Variants in MIA2 observed in about 807,000 individuals in gnomAD.
MIA2 encodes the protein MIA SH3 domain ER export factor 2.
Under a neutral mutation model 167.8 loss-of-function variants are expected in MIA2, and 127 were observed. The observed-to-expected ratio is 0.76, with a 90% CI of 0.66 to 0.88. The LOEUF (loss-of-function observed/expected upper bound fraction) is 0.88, where lower values mean the gene tolerates loss of function less well. Ranked by LOEUF, MIA2 falls within the 40% of genes least tolerant of loss-of-function variation. The probability of loss-of-function intolerance (pLI) is 0.00; values close to 1 mark genes in which losing one functional copy is unlikely to be tolerated. For missense variants in MIA2, 1,690 were observed against 1,624.7 expected (o/e 1.04, Z -0.69); for synonymous variants, 552 against 541.9 (o/e 1.02, Z -0.26).
chr14:39,247,045 T>C lies in MIA2; in HGVS notation c.471T>C (p.Ser157=), dbSNP rs72673382. 2 of 1,603,592 alleles carry C rather than the reference T, an allele frequency of 1.2e-6. No homozygotes were observed. Among genetic ancestry groups the C allele is most frequent in the Non-Finnish European group, 1.7e-6 (2 of 1,177,338 alleles). The change falls in exon 4 of 29, where the codon AGT becomes AGC. Residue 157 remains serine, a synonymous_variant. Coordinates refer to ENST00000640607, the MANE Select transcript of MIA2 (RefSeq NM_001329214.4). ...ATGAAAAATCTAGTATATATGAAAG[T>C]GATTTTCAGATAGAACCTGGATTTT... ...DKDEKSSIYE[S]DFQIEPGFYA... is the part of the protein sequence containing the mutation.
intron 3 of MIA2, among the ~76,000 whole-genome samples, chr14:39,243,879 A>G (rs2054172969): frequency 6.6e-6 from 1 of 152,224 alleles, no homozygotes; most frequent in African/African-American, 2.4e-5. Flanking sequence ...AAACAAACAG[A>G]AAAAAGAATG....
chr14:39,302,031 TG>T, intron 14 of MIA2, 97 bp from the exon 15 acceptor site: 1 of 1,329,090 alleles, frequency 7.5e-7, no homozygotes, highest in Non-Finnish European at 1.0e-6. Context: ...GTTATTTATG[TG>T]GACTGATTTT....
intron 23 of MIA2, chr14:39,385,870 C>T: frequency 1.0e-6 from 1 of 962,912 alleles, no homozygotes; most frequent in Non-Finnish European, 1.7e-6. Flanking sequence ...CATGCCCCGT[C>T]CCCTAGCTCC....
chr14:39,348,897 C>G lies in MIA2; in HGVS notation c.3992C>G (p.Pro1331Arg), dbSNP rs751864446. 6.2e-7 allele frequency: 1 copy of G among 1,614,142 alleles called. No homozygotes were observed. Among genetic ancestry groups the G allele is most frequent in the Non-Finnish European group, 8.5e-7 (1 of 1,180,020 alleles). ...LRRGPPFPPP[P>R]PGAMFGASRD... Reference sequence around the variant, plus strand: ...AGAGGACCTCCTTTCCCCCCACCTCCTCCAGGAGCCATGTTTGGAGCTTCT... The same window carrying G: ...AGAGGACCTCCTTTCCCCCCACCTCGTCCAGGAGCCATGTTTGGAGCTTCT... The change falls in exon 28 of 29, where the codon CCT (proline) becomes CGT (arginine). Residue 1331 changes from proline (P) to arginine (R), a missense_variant. Pro to Arg is a moderately radical substitution (Grantham distance 103). Transcript: ENST00000640607.
intron 25 of MIA2, among the ~76,000 whole-genome samples, chr14:39,331,564 C>T (rs1055909759): frequency 2.6e-5 from 4 of 152,096 alleles, no homozygotes; most frequent in African/African-American, 9.7e-5. Flanking sequence ...TGGTCTTTTA[C>T]GTTTTGTTGT....
At chr14:39,354,258 T>C (rs1319866132), downstream of MIA2, among the ~76,000 whole-genome samples, 1 of 152,236 alleles carries the variant, frequency 6.6e-6, no homozygotes, top group African/African-American at 2.4e-5. Flanking sequence ...ATCACCATTC[T>C]AACTGGTGTG....
chr14:39,236,456 A>G (rs2053751992), intron 1 of MIA2, among the ~76,000 whole-genome samples: 1 of 152,202 alleles, frequency 6.6e-6, no homozygotes, highest in South Asian at 2.1e-4. Context: ...CTAAAGGCTC[A>G]TTTATTAGAC....
At chr14:39,241,011 C>T (rs1265141638) in intron 3 of MIA2, among the ~76,000 whole-genome samples, 1 of 152,106 alleles carries the variant, frequency 6.6e-6, no homozygotes, top group Non-Finnish European at 1.5e-5. Context: ...TAATATAGTG[C>T]TACCTTACAT....
At chr14:39,288,385 T>C (rs973946281) in intron 9 of MIA2, among the ~76,000 whole-genome samples, 97 of 148,490 alleles carry the variant, frequency 6.5e-4, no homozygotes, top group African/African-American at 2.3e-3. Flanking sequence ...TTTCAGTCTG[T>C]GAATGTGATG....
At chr14:39,245,230 T>A (rs974568180) in intron 3 of MIA2, among the ~76,000 whole-genome samples, 1 of 152,126 alleles carries the variant, frequency 6.6e-6, no homozygotes, top group Non-Finnish European at 1.5e-5. Context: ...CATAAGCCAC[T>A]GTGTCCAGCG....
Position 39,388,174 on chromosome 14 carries a change from T to G in MIA2, c.*1222T>G, listed in dbSNP as rs904108476. 9 of 152,212 alleles carry G rather than the reference T, an allele frequency of 5.9e-5. No homozygotes were observed. The highest frequency in any genetic ancestry group is 2.2e-4 in the African/African-American group (9 of 41,444). 9.4% of individuals were successfully genotyped at this position (152,212 alleles called of 1,614,324 possible). ...GAAAAACAATTGTTTTCATCAGAAATTAGAATTTAACTTTGGTCAATATAC... is the reference window on the plus strand; with the variant it reads ...GAAAAACAATTGTTTTCATCAGAAAGTAGAATTTAACTTTGGTCAATATAC... On this transcript the variant is annotated 3_prime_UTR_variant, in exon 24 of 24. Transcript: ENST00000341502. This position sits in a 1 kb window ranked among gnomAD's most constrained non-coding sequence, Gnocchi z 4.1.
In MIA2 at chr14:39,236,927, A is replaced by G. The variant is rs1346004523; in HGVS notation, c.121A>G (p.Ile41Val). ...KCGDLECEAL[I>V]NRVSAMRDYR... is the part of the protein sequence containing the mutation. ...TCTTTACATGTTTTACATAGCTTTAATAAACAGAGTCTCAGCCATGAGAGA... is the reference window on the plus strand; with the variant it reads ...TCTTTACATGTTTTACATAGCTTTAGTAAACAGAGTCTCAGCCATGAGAGA... Residue 41 changes from isoleucine (I) to valine (V), a missense_variant, in exon 2 of 29, where the codon ATA becomes GTA. Transcript: ENST00000640607. 9 of 1,606,900 alleles carry G rather than the reference A, an allele frequency of 5.6e-6. No homozygotes were observed. The highest frequency in any genetic ancestry group is 2.2e-5 in the East Asian group (1 of 44,844).
At chr14:39,341,385 C>T (rs1705714950) in intron 25 of MIA2, among the ~76,000 whole-genome samples, 1 of 151,964 alleles carries the variant, frequency 6.6e-6, no homozygotes. Flanking sequence ...GGGAATAATT[C>T]AGGCTAGAAG....
At chr14:39,349,044 C>G in intron 28 of MIA2, 67 bp downstream of exon 28, 2 of 1,540,354 alleles carry the variant, frequency 1.3e-6, no homozygotes, top group Non-Finnish European at 1.8e-6. Flanking sequence ...TTTAATTTTA[C>G]TATCTGTTAA....
rs756285984 is a variant in MIA2, at chr14:39,277,045, T to C, written c.1999T>C (p.Leu667=). Residue 667 remains leucine, a synonymous_variant, in exon 7 of 29, where the codon TTG becomes CTG. Coordinates refer to ENST00000640607, the MANE Select transcript of MIA2 (RefSeq NM_001329214.4). The part of the protein sequence containing the change: ...VVGFFAVLFF[L]WRSFRSVRSR... ...TGGATTTTTTGCTGTTCTCTTTTTTTTGTGGAGAAGTTTTAGATCGGTAAG... is the reference window on the plus strand; with the variant it reads ...TGGATTTTTTGCTGTTCTCTTTTTTCTGTGGAGAAGTTTTAGATCGGTAAG... The C allele has an allele frequency of 6.2e-7, 1 of 1,613,782 alleles. No homozygotes were observed. Among genetic ancestry groups the C allele is most frequent in the South Asian group, 1.1e-5 (1 of 91,054 alleles).
intron 23 of MIA2, among the ~76,000 whole-genome samples, chr14:39,361,162 T>G (rs2074674056): frequency 6.6e-6 from 1 of 152,226 alleles, no homozygotes; most frequent in Non-Finnish European, 1.5e-5. Context: ...ATTTTAGGAT[T>G]GTTTTTCTAT....
chr14:39,260,000 T>G (rs1392681027), intron 6 of MIA2, among the ~76,000 whole-genome samples: 1 of 152,126 alleles, frequency 6.6e-6, no homozygotes, highest in Non-Finnish European at 1.5e-5. Context: ...AGAATGATGG[T>G]TTCCAGCTTC....
rs780150330 is a variant in MIA2, at chr14:39,247,131, A to G, written c.557A>G (p.Asp186Gly). The G allele has an allele frequency of 6.2e-7, 1 of 1,613,922 alleles. No homozygotes were observed. The highest frequency in any genetic ancestry group is 8.5e-7 in the Non-Finnish European group (1 of 1,179,970). The change falls in exon 4 of 29, where the codon GAT becomes GGT. Residue 186 changes from aspartate to glycine, a missense_variant. Coordinates refer to ENST00000640607, the MANE Select transcript of MIA2 (RefSeq NM_001329214.4). ...DQVPALEAPE[D>G]IGSTSESKDW... Reference sequence around the variant, plus strand: ...GTTCCAGCATTAGAGGCTCCTGAAGATATCGGAAGTACCAGTGAATCAAAA... The same window carrying G: ...GTTCCAGCATTAGAGGCTCCTGAAGGTATCGGAAGTACCAGTGAATCAAAA...
chr14:39,277,192 T>G (rs887063772), intron 7 of MIA2, 127 bp downstream of exon 7: 3 of 1,194,922 alleles, frequency 2.5e-6, no homozygotes, highest in Non-Finnish European at 3.4e-6. Context: ...GAGGTTTTTG[T>G]TTTTTGTTTT....
Sources: gnomAD v4.1 joint callset for allele counts (sites outside exome capture counted in the v4.1 genomes callset) on GRCh38, gnomAD v4.1.1 for gene constraint, Gnocchi (gnomAD v3.1) non-coding constraint, MANE v1.5 for transcripts, NCBI Gene and HGNC (gene_info 2026-07-23, HGNC 2026-07-21) for gene names.